AP3B1: variants seen among roughly 807,000 people sequenced by gnomAD.
The protein encoded by AP3B1 is AP-3 complex subunit beta-1.
Under a neutral mutation model 132.5 loss-of-function variants are expected in AP3B1, and 61 were observed. The observed-to-expected ratio is 0.46, with a 90% CI of 0.37 to 0.57. The LOEUF is 0.57. Among genes scored for constraint, AP3B1 ranks in the 20% least tolerant of loss-of-function variants. AP3B1 has a pLI of 0.00. For missense variants in AP3B1, 1,120 were observed against 1,289.4 expected (o/e 0.87, Z 2.01); for synonymous variants, 388 against 438.3 (o/e 0.89, Z 1.43).
intron 22 of AP3B1, among the ~76,000 whole-genome samples, chr5:78,045,380 C>CA (rs71608139): frequency 0.082 from 5,212 of 63,612 alleles, 144 homozygotes; most frequent in East Asian, 0.16. Flanking sequence ...GGCTCTGTCT[C>CA]AAAAAAAAAA....
At chr5:78,255,624 A>G (rs1747816377) in intron 2 of AP3B1, among the ~76,000 whole-genome samples, 1 of 152,142 alleles carries the variant, frequency 6.6e-6, no homozygotes, top group Non-Finnish European at 1.5e-5. Flanking sequence ...AAAGAGAGAG[A>G]CAGGCCCAAA....
At chr5:78,167,974 G>C (rs1215482766) in intron 11 of AP3B1, among the ~76,000 whole-genome samples, 2 of 144,262 alleles carry the variant, frequency 1.4e-5, no homozygotes, top group Non-Finnish European at 3.0e-5. Flanking sequence ...AAGAACTTAT[G>C]CATGTAACCA....
At chr5:78,041,530 G>A (rs1357321561) in intron 22 of AP3B1, among the ~76,000 whole-genome samples, 5 of 151,578 alleles carry the variant, frequency 3.3e-5, no homozygotes, top group Admixed American at 6.6e-5. Flanking sequence ...CTGCACTCCC[G>A]CCTGGGTGAC....
chr5:78,199,613 T>G (rs1159193147), intron 7 of AP3B1, among the ~76,000 whole-genome samples: 1 of 152,176 alleles, frequency 6.6e-6, no homozygotes, highest in Non-Finnish European at 1.5e-5. Flanking sequence ...AAATGTGTGT[T>G]GAATTGAAAC....
chr5:78,130,913 C>A (rs948941277), intron 15 of AP3B1, among the ~76,000 whole-genome samples: 5 of 151,462 alleles, frequency 3.3e-5, no homozygotes, highest in Admixed American at 3.3e-4. Flanking sequence ...TATTTCTTAG[C>A]CCAAAATTAA....
chr5:78,262,706 G>A (rs1334471460), intron 2 of AP3B1, among the ~76,000 whole-genome samples: 1 of 151,012 alleles, frequency 6.6e-6, no homozygotes, highest in Admixed American at 6.6e-5. Context: ...TTGAGACAGG[G>A]TTTTGAGATG....
intron 7 of AP3B1, among the ~76,000 whole-genome samples, chr5:78,204,924 T>C (rs1227450979): frequency 6.6e-6 from 1 of 152,224 alleles, no homozygotes; most frequent in East Asian, 1.9e-4. Flanking sequence ...CTGATTGGAC[T>C]GTTTTTACAG....
intron 19 of AP3B1, among the ~76,000 whole-genome samples, 175 bp from the exon 20 acceptor site, chr5:78,110,529 C>T (rs1419927801): frequency 2.0e-5 from 3 of 151,922 alleles, no homozygotes; most frequent in African/African-American, 4.8e-5. Context: ...ATACAAATTT[C>T]AAATGCAAAA....
intron 23 of AP3B1, among the ~76,000 whole-genome samples, chr5:78,036,594 A>T (rs987671536): frequency 3.9e-5 from 6 of 152,156 alleles, no homozygotes; most frequent in African/African-American, 1.2e-4. Flanking sequence ...TCTTAAAAAA[A>T]ACCCTCTTAT....
At chr5:78,119,289 T>C (rs1752034232) in intron 17 of AP3B1, among the ~76,000 whole-genome samples, 1 of 152,102 alleles carries the variant, frequency 6.6e-6, no homozygotes, top group African/African-American at 2.4e-5. Context: ...GTGCCTCTCC[T>C]CCTCCAAAGG....
intron 2 of AP3B1, among the ~76,000 whole-genome samples, chr5:78,263,773 C>T (rs1426071406): frequency 6.6e-6 from 1 of 152,048 alleles, no homozygotes; most frequent in African/African-American, 2.4e-5. Flanking sequence ...TTTCCCTTTC[C>T]TTCTGTTAAT....
intron 1 of AP3B1, among the ~76,000 whole-genome samples, chr5:78,271,354 G>A (rs2112567748): frequency 6.6e-6 from 1 of 152,300 alleles, no homozygotes; most frequent in South Asian, 2.1e-4. Flanking sequence ...CTGGGAGGTG[G>A]AGGTTGCAGT....
chr5:78,144,546 C>G (rs994255028), intron 14 of AP3B1, among the ~76,000 whole-genome samples: 2 of 152,154 alleles, frequency 1.3e-5, no homozygotes, highest in African/African-American at 4.8e-5. Context: ...TCTAAGCAAA[C>G]TGCATACCAA....
chr5:78,051,108 A>G (rs1748561824), intron 22 of AP3B1, among the ~76,000 whole-genome samples: 1 of 152,214 alleles, frequency 6.6e-6, no homozygotes, highest in Non-Finnish European at 1.5e-5. Flanking sequence ...ACACAGAGAC[A>G]AACCACACAT....
At chr5:78,183,867 TAAA>T (rs899886034) in intron 7 of AP3B1, among the ~76,000 whole-genome samples, 1 of 71,546 alleles carries the variant, frequency 1.4e-5, no homozygotes. Context: ...AATTCCATCT[TAAA>T]AAAAAAAAAA....
Position 78,002,560 on chromosome 5 carries a change from A to G in AP3B1, c.*342T>C, listed in dbSNP as rs559226132. The G allele has an allele frequency of 3.7e-6, 2 of 542,236 alleles. No individual in the cohort carries two copies. The highest frequency in any genetic ancestry group is 3.0e-5 in the South Asian group (1 of 33,674). 33.6% of individuals were successfully genotyped at this position (542,236 alleles called of 1,614,324 possible). ...ACTGCTGTAGGGAAGAAGATTTCCA[A>G]TGAACTTTAAATATCTCATTCATGT... On this transcript the variant is annotated 3_prime_UTR_variant, in exon 27 of 27. Transcript: ENST00000255194.
At chr5:78,283,227 C>T (rs546965227) in intron 1 of AP3B1, among the ~76,000 whole-genome samples, 1 of 152,188 alleles carries the variant, frequency 6.6e-6, no homozygotes, top group African/African-American at 2.4e-5. Context: ...TGTCCAAGTA[C>T]CATTTATTAA....
intron 13 of AP3B1, among the ~76,000 whole-genome samples, chr5:78,158,028 T>C (rs6862744): frequency 0.9 from 137,139 of 152,234 alleles, 62,580 homozygotes; most frequent in African/African-American, 0.98. Context: ...GGATTACCGG[T>C]GTGAGCCACC....
chr5:78,121,059 G>A (rs1189091998), intron 17 of AP3B1, among the ~76,000 whole-genome samples: 7 of 152,186 alleles, frequency 4.6e-5, no homozygotes, highest in South Asian at 2.1e-4. Flanking sequence ...CCGCTCAACT[G>A]CATGGAAACT....
Sources: allele counts gnomAD v4.1 joint callset (sites outside exome capture counted in the v4.1 genomes callset), GRCh38; gene constraint gnomAD v4.1.1; transcripts MANE v1.5; gene names NCBI Gene and HGNC (gene_info 2026-07-23, HGNC 2026-07-21).